MGAT4C: variants seen among roughly 807,000 people sequenced by gnomAD.
The protein encoded by MGAT4C is alpha-1,3-mannosyl-glycoprotein 4-beta-N-acetylglucosaminyltransferase C.
MGAT4C carries 19 observed loss-of-function variants against 40.1 expected under a neutral mutation model. The observed-to-expected ratio is 0.47, with a 90% CI of 0.33 to 0.70. The LOEUF is 0.70. Among genes scored for constraint, MGAT4C ranks in the 30% least tolerant of loss-of-function variants. The probability of loss-of-function intolerance (pLI) is 0.02; values close to 1 mark genes in which losing one functional copy is unlikely to be tolerated. For synonymous variants in MGAT4C, 181 were observed against 187.1 expected, an observed-to-expected ratio of 0.97 and a Z score of 0.27; for missense variants, 491 against 563.2, an observed-to-expected ratio of 0.87 and a Z score of 1.30.
rs966914188 is a variant in MGAT4C, at chr12:85,964,433, G to A, written c.*14856C>T. On this transcript the variant is annotated 3_prime_UTR_variant, in exon 5 of 5. Coordinates refer to ENST00000611864, the MANE Select transcript of MGAT4C (RefSeq NM_001351288.2). ...ATTTTAGAGATTTTAATACCAGGATGAAATAATAGTATCATTCTATTTCAG... is the reference window on the plus strand; with the variant it reads ...ATTTTAGAGATTTTAATACCAGGATAAAATAATAGTATCATTCTATTTCAG... The A allele has an allele frequency of 2.6e-5, 4 of 152,090 alleles. No individual in the cohort carries two copies. The highest frequency in any genetic ancestry group is 4.8e-5 in the African/African-American group (2 of 41,424). The allele number at this position is 152,090 out of a possible 1,614,324, so 9.4% of individuals were successfully genotyped here.
upstream of MGAT4C, among the ~76,000 whole-genome samples, chr12:86,258,566 C>T (rs1363140359): frequency 2.7e-5 from 4 of 150,248 alleles, no homozygotes; most frequent in South Asian, 2.1e-4. Flanking sequence ...CAGGTATCAA[C>T]GTATAGGCAT....
chr12:86,576,077 C>T (rs1266424325), intron 2 of MGAT4C, among the ~76,000 whole-genome samples: 2 of 151,784 alleles, frequency 1.3e-5, no homozygotes, highest in Non-Finnish European at 2.9e-5. Context: ...TCTTTGATGA[C>T]CATTGATGCT....
rs541370154 is a variant in MGAT4C at position 86,476,593 on chromosome 12, G to GAA, written c.-228-41330_-228-41329dup. Among the ~76,000 whole-genome samples, 495 of 148,804 alleles carry GAA rather than the reference G, an allele frequency of 3.3e-3. 2 individuals are homozygous for GAA. The highest frequency in any genetic ancestry group is 0.012 in the African/African-American group (479 of 40,618). On this transcript the variant is annotated intron_variant, in intron 2 of 7. Transcript: ENST00000548651. The stretch of plus-strand genomic sequence containing the variant: ...CACTCCTGGGTTTATATACCCAAAG[G>GAA]AAAAAAAAAATTTATCAAAAAGACA...
At chr12:86,267,359 C>A (rs532361108) in intron 4 of MGAT4C, among the ~76,000 whole-genome samples, 1 of 152,058 alleles carries the variant, frequency 6.6e-6, no homozygotes, top group African/African-American at 2.4e-5. Flanking sequence ...GTATCTTAAA[C>A]TTGGAAGTGA....
intron 2 of MGAT4C, among the ~76,000 whole-genome samples, chr12:86,559,152 G>A (rs1959751432): frequency 7.2e-5 from 11 of 151,858 alleles, no homozygotes; most frequent in Admixed American, 7.2e-4. Flanking sequence ...TAATACTGGA[G>A]CACCCAGATA....
intron 3 of MGAT4C, among the ~76,000 whole-genome samples, chr12:86,372,926 A>C (rs930905984): frequency 1.2e-4 from 18 of 151,396 alleles, no homozygotes; most frequent in Admixed American, 7.9e-4. Context: ...AAACCACCTC[A>C]AATTCCATTT....
At chr12:86,471,816 A>G (rs369497156) in intron 2 of MGAT4C, among the ~76,000 whole-genome samples, 1 of 152,116 alleles carries the variant, frequency 6.6e-6, no homozygotes, top group African/African-American at 2.4e-5. Flanking sequence ...AAAGTATTAT[A>G]TGTTACATAG....
At chr12:86,824,353 G>A (rs1040562702) in intron 1 of MGAT4C, among the ~76,000 whole-genome samples, 3 of 151,410 alleles carry the variant, frequency 2.0e-5, no homozygotes, top group African/African-American at 7.3e-5. Flanking sequence ...TAAATTGTAT[G>A]TTTAGGTTGC....
chr12:86,238,069 C>T (rs1951628500), intron 1 of MGAT4C, among the ~76,000 whole-genome samples: 1 of 151,838 alleles, frequency 6.6e-6, no homozygotes, highest in Non-Finnish European at 1.5e-5. Flanking sequence ...TTTGTTTAGT[C>T]ATTTCCCTTT....
chr12:86,267,616 A>G lies in MGAT4C; in HGVS notation c.-57+66449T>C, dbSNP rs143577844. Among the ~76,000 whole-genome samples, 1,244 of 152,272 alleles carry G rather than the reference A, an allele frequency of 8.2e-3. 7 individuals carry two copies. Among genetic ancestry groups the G allele is most frequent in the South Asian group, 0.024 (117 of 4,828 alleles). On this transcript the variant is annotated intron_variant, in intron 4 of 7. Coordinates refer to the MGAT4C transcript ENST00000548651. ...TCTTTCAAATATTTTTATATGCACT[A>G]GACTGTAGTAATTCAATAAAGGGGG...
At chr12:86,020,498 T>C (rs1197125298) in intron 2 of MGAT4C, among the ~76,000 whole-genome samples, 1 of 152,168 alleles carries the variant, frequency 6.6e-6, no homozygotes, top group African/African-American at 2.4e-5. Context: ...GGATTCCCTA[T>C]TTAATAAATG....
At chr12:86,054,540 A>C (rs1416246601) in intron 1 of MGAT4C, among the ~76,000 whole-genome samples, 1 of 151,986 alleles carries the variant, frequency 6.6e-6, no homozygotes, top group Admixed American at 6.6e-5. Flanking sequence ...TAATAACAGC[A>C]TATTGTATAC....
chr12:86,419,852 A>G (rs1956787609), intron 3 of MGAT4C, among the ~76,000 whole-genome samples: 1 of 152,186 alleles, frequency 6.6e-6, no homozygotes, highest in Non-Finnish European at 1.5e-5. Flanking sequence ...GAGTTGTATC[A>G]GGGCATAGAA....
At chr12:86,264,481 A>G (rs140363577) in intron 4 of MGAT4C, among the ~76,000 whole-genome samples, 292 of 151,984 alleles carry the variant, frequency 1.9e-3, no homozygotes, top group African/African-American at 6.7e-3. Flanking sequence ...GGAGGCGGGG[A>G]GGGGGCTGCG....
chr12:86,669,317 G>A (rs1964193415), intron 2 of MGAT4C, among the ~76,000 whole-genome samples: 1 of 151,468 alleles, frequency 6.6e-6, no homozygotes, highest in Non-Finnish European at 1.5e-5. Context: ...AGAGATCCAG[G>A]TGCAGGGGGC....
At chr12:86,028,161 T>C (rs1314519281) in intron 2 of MGAT4C, 2 of 1,288,462 alleles carry the variant, frequency 1.6e-6, no homozygotes. Context: ...TTACAACAAA[T>C]CTGACCATGT....
intron 1 of MGAT4C, among the ~76,000 whole-genome samples, chr12:86,077,435 G>A (rs61931141): frequency 8.6e-4 from 131 of 152,216 alleles, no homozygotes; most frequent in Non-Finnish European, 1.6e-3. Context: ...GAAATAAAAC[G>A]AATATATTTT....
At chr12:86,419,260 A>T (rs1008610111) in intron 3 of MGAT4C, among the ~76,000 whole-genome samples, 4 of 152,076 alleles carry the variant, frequency 2.6e-5, no homozygotes, top group East Asian at 1.9e-4. Flanking sequence ...AATCTTACAG[A>T]TCTGTTAAAA....
At chr12:86,615,537 G>GAAA in intron 2 of MGAT4C, among the ~76,000 whole-genome samples, 1 of 151,922 alleles carries the variant, frequency 6.6e-6, no homozygotes, top group African/African-American at 2.4e-5. Context: ...ATTTTGTTAA[G>GAAA]AAAAAAACAG....
Sources: gnomAD v4.1 joint callset for allele counts (sites outside exome capture counted in the v4.1 genomes callset) on GRCh38, gnomAD v4.1.1 for gene constraint, MANE v1.5 for transcripts, NCBI Gene and HGNC (gene_info 2026-07-23, HGNC 2026-07-21) for gene names.